ABCB10: variants seen among roughly 807,000 people sequenced by gnomAD.
The protein encoded by ABCB10 is ATP binding cassette subfamily B member 10.
ABCB10 carries 54 observed loss-of-function variants against 65.4 expected under a neutral mutation model. The ratio of observed to expected loss-of-function variants is 0.83; its 90% CI spans 0.66 to 1.04. ABCB10 has a LOEUF of 1.04. Ranked by LOEUF, ABCB10 falls within the 50% of genes least tolerant of loss-of-function variation. ABCB10 has a pLI of 0.00. For synonymous variants in ABCB10, 418 were observed against 406.5 expected (o/e 1.03, Z -0.34); for missense variants, 846 against 976.6 (o/e 0.87, Z 1.78).
intron 4 of ABCB10, among the ~76,000 whole-genome samples, chr1:229,541,774 T>C (rs1313197788): frequency 6.6e-6 from 1 of 151,870 alleles, no homozygotes; most frequent in Admixed American, 6.6e-5. Flanking sequence ...ATCATGTCTC[T>C]ACAAAAAATT....
At chr1:229,542,990 G>A (rs191619597) in intron 3 of ABCB10, among the ~76,000 whole-genome samples, 1 of 152,038 alleles carries the variant, frequency 6.6e-6, no homozygotes, top group African/African-American at 2.4e-5. Context: ...AATTAGCTGG[G>A]TGTTGGGGCA....
chr1:229,553,821 C>T lies in ABCB10; in HGVS notation c.517+4315G>A, dbSNP rs186218685. On this transcript the variant is annotated intron_variant, in intron 1 of 12. Coordinates refer to ENST00000344517, the MANE Select transcript of ABCB10 (RefSeq NM_012089.3). ...TAGCTGTTTGACCTTGCATAAGTCA[C>T]TCCATCTCTCTGTGCCCAGTTTCCT... Among the ~76,000 whole-genome samples, 142 of 152,068 alleles carry T rather than the reference C, an allele frequency of 9.3e-4. 1 individual carries two copies. Among genetic ancestry groups the T allele is most frequent in the Non-Finnish European group, 6.5e-4 (44 of 67,976 alleles).
In ABCB10 at chr1:229,549,357, T is replaced by C. The variant is rs868050122; in HGVS notation, c.595A>G (p.Ile199Val). ...PFFLGKIIDV[I>V]YTNPTVDYSD... is the part of the protein sequence containing the mutation. ...TAGTCCACAGTGGGGTTGGTATAGA[T>C]GACATCAATGATCTTCCCCAGGAAG... The change falls in exon 2 of 13, where the codon ATC becomes GTC. Residue 199 changes from isoleucine (I) to valine (V), a missense_variant. Physicochemically the swap from Ile to Val is conservative, Grantham distance 29 (BLOSUM62 3). This residue lies in a region of ABCB10 where 632 missense variants were observed against 803.2 expected (regional missense o/e 0.79). Transcript: ENST00000344517. 2 of 1,614,044 alleles carry C rather than the reference T, an allele frequency of 1.2e-6. No homozygotes were observed. Among genetic ancestry groups the C allele is most frequent in the Middle Eastern group, 3.3e-4 (2 of 6,062 alleles).
intron 3 of ABCB10, among the ~76,000 whole-genome samples, chr1:229,547,237 G>A (rs1001642148): frequency 3.9e-5 from 6 of 152,078 alleles, no homozygotes; most frequent in African/African-American, 9.7e-5. Context: ...TTAATACCCC[G>A]GGTACACACA....
chr1:229,539,189 G>C (rs1662785774), intron 6 of ABCB10, among the ~76,000 whole-genome samples: 1 of 152,144 alleles, frequency 6.6e-6, no homozygotes, highest in African/African-American at 2.4e-5. Flanking sequence ...GAAGACACAG[G>C]CTGGGAAATA....
intron 6 of ABCB10, among the ~76,000 whole-genome samples, chr1:229,538,047 T>C (rs1662761608): frequency 6.6e-6 from 1 of 152,108 alleles, no homozygotes; most frequent in African/African-American, 2.4e-5. Context: ...TTGACCAGAG[T>C]TGTGGGCTAG....
intron 6 of ABCB10, among the ~76,000 whole-genome samples, chr1:229,534,616 C>G (rs1353739630): frequency 6.6e-6 from 1 of 151,874 alleles, no homozygotes; most frequent in Non-Finnish European, 1.5e-5. Context: ...TGCCTGTAAT[C>G]CCAGGACTTT....
At position 229,540,588 on chromosome 1, in the gene ABCB10, C is replaced by T; in HGVS notation, c.1203+18G>A. The stretch of plus-strand genomic sequence containing the variant: ...CTAACATTTGCCAATTTTACTTTTT[C>T]CAAAGTGATCTACTTACTGCTCCAA... On this transcript the variant is annotated intron_variant, in intron 5 of 12. Transcript: ENST00000344517. 1 of 1,597,602 alleles carries T rather than the reference C, an allele frequency of 6.3e-7. No homozygotes were observed. Among genetic ancestry groups the T allele is most frequent in the Non-Finnish European group, 8.5e-7 (1 of 1,173,648 alleles).
At chr1:229,550,891 T>C (rs1030906545) in intron 1 of ABCB10, among the ~76,000 whole-genome samples, 1 of 149,918 alleles carries the variant, frequency 6.7e-6, no homozygotes, top group African/African-American at 2.5e-5. Flanking sequence ...GAAAAGAAAA[T>C]CCAATTAGTA....
chr1:229,534,529 C>G (rs1174857503), intron 6 of ABCB10, among the ~76,000 whole-genome samples: 1 of 151,872 alleles, frequency 6.6e-6, no homozygotes, highest in Non-Finnish European at 1.5e-5. Context: ...AGTTCAAGAC[C>G]AGCCTGGCCA....
chr1:229,522,657 G>T (rs1662344663), intron 10 of ABCB10, among the ~76,000 whole-genome samples: 1 of 152,210 alleles, frequency 6.6e-6, no homozygotes, highest in Non-Finnish European at 1.5e-5. Context: ...CAAGGGGTAT[G>T]CTCTTAAAAG....
chr1:229,544,436 A>G (rs1237743743), intron 3 of ABCB10, among the ~76,000 whole-genome samples: 2 of 151,824 alleles, frequency 1.3e-5, no homozygotes, highest in Non-Finnish European at 2.9e-5. Flanking sequence ...AAAAAAAAAA[A>G]AAAAAGGAAT....
At chr1:229,523,010 G>A (rs911144841) in intron 10 of ABCB10, among the ~76,000 whole-genome samples, 8 of 152,076 alleles carry the variant, frequency 5.3e-5, no homozygotes, top group African/African-American at 1.7e-4. Context: ...CACCATGCCC[G>A]GCTAACATAG....
intron 12 of ABCB10, 105 bp from the exon 13 acceptor site, chr1:229,518,515 C>CA (rs1414808422): frequency 1.1e-6 from 1 of 938,768 alleles, no homozygotes; most frequent in African/African-American, 1.6e-5. Flanking sequence ...TTACCATGAT[C>CA]AAAATTTCAA....
At chr1:229,540,068 T>C (rs2102698619) in intron 5 of ABCB10, among the ~76,000 whole-genome samples, 1 of 152,366 alleles carries the variant, frequency 6.6e-6, no homozygotes, top group East Asian at 1.9e-4. Flanking sequence ...TATCTGTTAA[T>C]CATAGCAATG....
chr1:229,531,496 C>T, intron 7 of ABCB10, 140 bp downstream of exon 7: 1 of 828,828 alleles, frequency 1.2e-6, no homozygotes, highest in Non-Finnish European at 1.9e-6. Flanking sequence ...TGACCACCTC[C>T]TCACCCGGCC....
At chr1:229,519,051 T>C (rs1662239512) in intron 11 of ABCB10, 176 bp from the exon 12 acceptor site, 4 of 488,946 alleles carry the variant, frequency 8.2e-6, no homozygotes, top group Admixed American at 3.8e-5. Context: ...AGTTCACTTA[T>C]ATGAAATGTC....
In ABCB10 at chr1:229,530,417, T is replaced by C. The variant is rs1662555976; in HGVS notation, c.1436-9A>G. 1 of 1,613,434 alleles carries C rather than the reference T, an allele frequency of 6.2e-7. No homozygotes were observed. Among genetic ancestry groups the C allele is most frequent in the Non-Finnish European group, 8.5e-7 (1 of 1,179,710 alleles). On this transcript the variant is annotated splice_polypyrimidine_tract_variant and intron_variant, in intron 7 of 12. Coordinates refer to ENST00000344517, the MANE Select transcript of ABCB10 (RefSeq NM_012089.3). ...ATTTAAGATGACCCCCTCTGAAACA[T>C]AAAATGGAATATTAATTACTTACAG...
In ABCB10 at chr1:229,518,180, T is replaced by G; in HGVS notation, c.2216A>C (p.Ter739SerextTer6). 6.2e-7 allele frequency: 1 copy of G among 1,611,716 alleles called. No homozygotes were observed. The highest frequency in any genetic ancestry group is 8.5e-7 in the Non-Finnish European group (1 of 1,177,846). The change falls in exon 13 of 13, where the codon TAA becomes TCA. Residue 739 changes from the stop codon to serine, a stop_lost. Transcript: ENST00000344517. ...LMNKQSFISA[*>S] Reference sequence around the variant, plus strand: ...TATTGTTTACCAGTAATTGCTTCCTTATGCTGAAATAAAACTTTGTTTGTT... The same window carrying G: ...TATTGTTTACCAGTAATTGCTTCCTGATGCTGAAATAAAACTTTGTTTGTT...
Sources: gnomAD v4.1 joint callset for allele counts (sites outside exome capture counted in the v4.1 genomes callset) on GRCh38, gnomAD v4.1.1 for gene constraint, gnomAD v4.1.1 regional missense constraint, MANE v1.5 for transcripts, NCBI Gene and HGNC (gene_info 2026-07-23, HGNC 2026-07-21) for gene names.